Variants in MACROD2 observed in about 807,000 individuals in gnomAD.
MACROD2 encodes the protein ADP-ribose glycohydrolase MACROD2.
A neutral mutation model predicts 70.4 loss-of-function variants in MACROD2; 36 were observed. The ratio of observed to expected loss-of-function variants is 0.51; its 90% confidence interval spans 0.39 to 0.68. The LOEUF (loss-of-function observed/expected upper bound fraction) is 0.68. Ranked by LOEUF, MACROD2 falls within the 30% of genes least tolerant of loss-of-function variation. The pLI, the probability that MACROD2 is intolerant of heterozygous loss-of-function variation, is 0.00. For synonymous variants in MACROD2, 172 were observed against 178.8 expected, an observed-to-expected ratio of 0.96 and a Z score of 0.30; for missense variants, 496 against 538.4, an observed-to-expected ratio of 0.92 and a Z score of 0.78.
At chr20:15,182,093 T>C (rs1315950774) in intron 5 of MACROD2, among the ~76,000 whole-genome samples, 1 of 152,228 alleles carries the variant, frequency 6.6e-6, no homozygotes, top group Admixed American at 6.5e-5. Flanking sequence ...GATTTGTGGT[T>C]AGCAAAAGAA....
At chr20:14,228,818 C>T (rs1253708529) in intron 3 of MACROD2, among the ~76,000 whole-genome samples, 1 of 145,954 alleles carries the variant, frequency 6.9e-6, no homozygotes, top group Non-Finnish European at 1.5e-5. Flanking sequence ...TTAGCCTGGG[C>T]AACATGGCGA....
intron 8 of MACROD2, among the ~76,000 whole-genome samples, chr20:15,560,762 C>CAA (rs71190190): frequency 0.016 from 350 of 22,076 alleles, 19 homozygotes; most frequent in Non-Finnish European, 0.028. Flanking sequence ...AACAAAGTCT[C>CAA]AAAAAAAAAA....
At position 14,474,584 on chromosome 20, in the gene MACROD2, G is replaced by A. The variant is rs558090898; in HGVS notation, c.272-18895G>A. On this transcript the variant is annotated intron_variant, in intron 3 of 17. Transcript: ENST00000684519. ...AAGTGGGGTATTAAAGTCTTCTACCGTTAATGTTATTGCAGTCTATCTTTT... is the reference window on the plus strand; with the variant it reads ...AAGTGGGGTATTAAAGTCTTCTACCATTAATGTTATTGCAGTCTATCTTTT... Among the ~76,000 whole-genome samples, 20 of 152,050 alleles carry A rather than the reference G, an allele frequency of 1.3e-4. No individual in the cohort carries two copies. In the South Asian group the frequency reaches 1.9e-3, roughly 14 times the overall value.
chr20:14,767,734 G>A (rs1016398131), intron 5 of MACROD2, among the ~76,000 whole-genome samples: 3 of 151,432 alleles, frequency 2.0e-5, no homozygotes, highest in Admixed American at 6.6e-5. Context: ...GTGGTTTGCC[G>A]CACCCATCAA....
chr20:15,146,885 A>G (rs532170574), intron 5 of MACROD2, among the ~76,000 whole-genome samples: 2 of 152,258 alleles, frequency 1.3e-5, no homozygotes, highest in East Asian at 3.9e-4. Context: ...TAGCATAGAA[A>G]TTTGTTTCTG....
intron 3 of MACROD2, among the ~76,000 whole-genome samples, chr20:14,264,325 A>T (rs1998238): frequency 2.6e-5 from 4 of 151,894 alleles, no homozygotes; most frequent in African/African-American, 7.3e-5. Flanking sequence ...GTATGTTGTC[A>T]TTTAAGATTT....
intron 7 of MACROD2, among the ~76,000 whole-genome samples, chr20:15,494,776 T>TGTGTGTGTGTGCGC (rs368522802): frequency 3.8e-5 from 5 of 131,892 alleles, no homozygotes; most frequent in African/African-American, 1.4e-4. Flanking sequence ...CGTGTGTGTG[T>TGTGTGTGTGTGCGC]GCGCGCGTGT....
intron 5 of MACROD2, among the ~76,000 whole-genome samples, chr20:15,019,178 C>CGGA (rs560393813): frequency 9.7e-4 from 148 of 151,916 alleles, no homozygotes; most frequent in Non-Finnish European, 1.8e-3. Context: ...CGCGCGCGCG[C>CGGA]GGAGAGAGTT....
intron 7 of MACROD2, among the ~76,000 whole-genome samples, chr20:15,458,631 T>TTG: frequency 6.8e-6 from 1 of 147,722 alleles, no homozygotes; most frequent in Non-Finnish European, 1.5e-5. Context: ...TTTTTTGTTT[T>TTG]TTTTTTTTAA....
intron 16 of MACROD2, among the ~76,000 whole-genome samples, chr20:16,043,294 T>TA (rs540732509): frequency 2.4e-4 from 37 of 152,050 alleles, no homozygotes; most frequent in Non-Finnish European, 4.6e-4. Context: ...GAAGCAGAGG[T>TA]AAAAAATAGG....
intron 4 of MACROD2, among the ~76,000 whole-genome samples, chr20:14,684,206 C>A (rs1367705179): frequency 6.6e-6 from 1 of 152,124 alleles, no homozygotes; most frequent in Non-Finnish European, 1.5e-5. Flanking sequence ...TTAAGCAAGA[C>A]CTAATCTACC....
chr20:15,555,851 A>AAG (rs1568889480), intron 8 of MACROD2, among the ~76,000 whole-genome samples: 7 of 144,418 alleles, frequency 4.8e-5, no homozygotes, highest in African/African-American at 2.0e-4. Flanking sequence ...AAAAAAAAAA[A>AAG]AAAGGAAAAG....
At chr20:14,786,394 A>C (rs6042920) in intron 5 of MACROD2, among the ~76,000 whole-genome samples, 151,661 of 152,144 alleles carry the variant, frequency 1, 75,593 homozygotes, top group East Asian at 1. Context: ...TTGGTCCTTA[A>C]CTCTTAATAT....
At chr20:14,637,602 C>T (rs963660646) in intron 4 of MACROD2, among the ~76,000 whole-genome samples, 24 of 152,136 alleles carry the variant, frequency 1.6e-4, no homozygotes, top group African/African-American at 5.1e-4. Context: ...CTCTCTTCTT[C>T]GTTACGATTT....
rs561172780 is a variant in MACROD2, at chr20:14,494,555, G to T, written c.301+1047G>T. On this transcript the variant is annotated intron_variant, in intron 4 of 17. Coordinates refer to ENST00000684519, the MANE Select transcript of MACROD2 (RefSeq NM_001351661.2). ...GAAATGAGTGTGGGATTTGAAATTG[G>T]ACTTACTGTGTGGAGACCAGGAAAG... 1.5e-4 allele frequency among the ~76,000 whole-genome samples: 23 copies of T among 152,168 alleles called. No individual in the cohort carries two copies. The Middle Eastern group carries it at 0.01, about 68-fold the overall frequency.
At chr20:14,727,522 G>C (rs370046734) in intron 5 of MACROD2, among the ~76,000 whole-genome samples, 1 of 152,098 alleles carries the variant, frequency 6.6e-6, no homozygotes, top group Admixed American at 6.6e-5. Context: ...GCAATGGAGT[G>C]AGACCCTGTC....
At chr20:14,208,272 A>G (rs1331772931) in intron 3 of MACROD2, among the ~76,000 whole-genome samples, 1 of 152,152 alleles carries the variant, frequency 6.6e-6, no homozygotes, top group African/African-American at 2.4e-5. Flanking sequence ...GAGTGATTAT[A>G]TTGTTCTTGT....
At chr20:15,845,213 TTC>T (rs1316193427) in intron 8 of MACROD2, among the ~76,000 whole-genome samples, 10 of 152,146 alleles carry the variant, frequency 6.6e-5, no homozygotes, top group Admixed American at 1.3e-4. Flanking sequence ...TAGATCCTAA[TTC>T]CAATGACTGC....
intron 8 of MACROD2, among the ~76,000 whole-genome samples, chr20:15,778,762 T>A (rs576826413): frequency 6.6e-6 from 1 of 152,172 alleles, no homozygotes; most frequent in South Asian, 2.1e-4. Context: ...ATCTGAGGAT[T>A]TATTATCTAT....
Sources: gnomAD v4.1 joint callset for allele counts (sites outside exome capture counted in the v4.1 genomes callset) on GRCh38, gnomAD v4.1.1 for gene constraint, MANE v1.5 for transcripts, NCBI Gene and HGNC (gene_info 2026-07-23, HGNC 2026-07-21) for gene names.